Variants in CCDC102A observed in about 807,000 individuals in gnomAD.
The protein encoded by CCDC102A is coiled-coil domain-containing protein 102A.
A neutral mutation model predicts 55.5 loss-of-function variants in CCDC102A; 40 were observed. The observed-to-expected ratio is 0.72, with a 90% confidence interval of 0.56 to 0.94. CCDC102A has a LOEUF of 0.94. Ranked by LOEUF, CCDC102A falls within the 40% of genes least tolerant of loss-of-function variation. The pLI, the probability that CCDC102A is intolerant of heterozygous loss-of-function variation, is 0.00. For synonymous variants in CCDC102A, 323 were observed against 339.0 expected (o/e 0.95, Z 0.52); for missense variants, 779 against 768.6 (o/e 1.01, Z -0.16).
chr16:57,532,686 C>T (rs2032288826), intron 1 of CCDC102A, among the ~76,000 whole-genome samples: 1 of 141,830 alleles, frequency 7.1e-6, no homozygotes, highest in South Asian at 2.3e-4. Flanking sequence ...ATGCTCATCC[C>T]CAAGTGAAGC....
Position 57,529,155 on chromosome 16 carries a change from C to G in CCDC102A, c.23G>C (p.Arg8Pro). The change falls in exon 2 of 9, where the codon CGG (arginine) becomes CCG (proline). Residue 8 changes from arginine (R) to proline (P), a missense_variant. By Grantham distance (103) the Arg-to-Pro change is moderately radical. Transcript: ENST00000258214. The surrounding 1 kb of genome is among the most constrained non-coding windows in gnomAD (Gnocchi z 4.1). ...GGACAGCTGCGGGGACTCGGCCAGC[C>G]GGGGGCTGGGCCCGTGGCTCATGGT... MSHGPSP[R>P]LAESPQLSKG... 8.4e-7 allele frequency: 1 copy of G among 1,184,488 alleles called. No individual in the cohort carries two copies. The highest frequency in any genetic ancestry group is 1.0e-6 in the Non-Finnish European group (1 of 957,074). 73.4% of individuals were successfully genotyped at this position (1,184,488 alleles called of 1,614,324 possible).
At position 57,512,524 on chromosome 16, in the gene CCDC102A, G is replaced by GCGCA. The variant is rs2031881704; in HGVS notation, c.*216_*217insTGCG. The GCGCA allele has an allele frequency of 8.3e-6, 4 of 479,580 alleles. No homozygotes were observed. Among genetic ancestry groups the GCGCA allele is most frequent in the African/African-American group, 8.2e-5 (4 of 48,680 alleles). The allele number at this position is 479,580 out of a possible 1,614,324, so 29.7% of individuals were successfully genotyped here. ...AAGACTTCTGGGTGTGCGCGCGCGC[G>GCGCA]CGCGCGTGTGTGTATATATATATAT... On this transcript the variant is annotated 3_prime_UTR_variant, in exon 9 of 9. Transcript: ENST00000258214.
chr16:57,536,094 G>A (rs2032377226), intron 1 of CCDC102A, among the ~76,000 whole-genome samples: 1 of 151,766 alleles, frequency 6.6e-6, no homozygotes, highest in Non-Finnish European at 1.5e-5. Flanking sequence ...CAGTCGCCGC[G>A]GCTCTGGGCA....
chr16:57,535,764 T>C (rs1270919206), intron 1 of CCDC102A, among the ~76,000 whole-genome samples: 4 of 152,090 alleles, frequency 2.6e-5, no homozygotes, highest in African/African-American at 9.7e-5. Flanking sequence ...GGGCCTCAGT[T>C]TCCTTACCTA....
rs577937194 is a variant in CCDC102A, at chr16:57,521,267, T to G, written c.813-91A>C. The G allele has an allele frequency of 3.2e-5, 31 of 956,312 alleles. No individual in the cohort carries two copies. In the African/African-American group the frequency reaches 4.6e-4, roughly 14 times the overall value. The allele number at this position is 956,312 out of a possible 1,614,324, so 59.2% of individuals were successfully genotyped here. A position where few individuals can be genotyped will look rare whatever the true frequency, so the allele number is the denominator to read the frequency against. Reference sequence around the variant, plus strand: ...TGGCCCTGCTGTGTGCCCTCTGCACTTGTTGAGCCCAAGTCCAAAATCCTT... The same window carrying G: ...TGGCCCTGCTGTGTGCCCTCTGCACGTGTTGAGCCCAAGTCCAAAATCCTT... On this transcript the variant is annotated intron_variant, in intron 3 of 8. Transcript: ENST00000258214.
rs554407829 is a variant in CCDC102A, at chr16:57,536,193, T to G, written c.-148+307A>C. On this transcript the variant is annotated intron_variant, in intron 1 of 8. Coordinates refer to ENST00000258214, the MANE Select transcript of CCDC102A (RefSeq NM_033212.4). ...TGGGTCCCCCGGGAGAGTCCCAAATTCCGTCCCCGCCCGCCGCCCCCTCCC... is the reference window on the plus strand; with the variant it reads ...TGGGTCCCCCGGGAGAGTCCCAAATGCCGTCCCCGCCCGCCGCCCCCTCCC... Among the ~76,000 whole-genome samples, 1,402 of 151,986 alleles carry G rather than the reference T, an allele frequency of 9.2e-3. 55 individuals carry two copies. The highest frequency in any genetic ancestry group is 0.07 in the Admixed American group (1,071 of 15,290).
At chr16:57,525,362 A>G (rs2032120890) in intron 3 of CCDC102A, among the ~76,000 whole-genome samples, 1 of 152,148 alleles carries the variant, frequency 6.6e-6, no homozygotes, top group Non-Finnish European at 1.5e-5. Flanking sequence ...CGGCCTCCCA[A>G]AGTGCTGGGA....
chr16:57,519,407 G>A (rs1441523248), intron 4 of CCDC102A, among the ~76,000 whole-genome samples: 1 of 152,222 alleles, frequency 6.6e-6, no homozygotes, highest in Non-Finnish European at 1.5e-5. Context: ...GAGCTTGTGC[G>A]TCTGTCCACC....
chr16:57,524,553 G>A (rs2032102062), intron 3 of CCDC102A, among the ~76,000 whole-genome samples: 1 of 150,516 alleles, frequency 6.6e-6, no homozygotes, highest in African/African-American at 2.5e-5. Flanking sequence ...CTCCAGCCTG[G>A]CTGACAGAGT....
At chr16:57,535,974 C>T (rs1472194176) in intron 1 of CCDC102A, among the ~76,000 whole-genome samples, 2 of 152,322 alleles carry the variant, frequency 1.3e-5, no homozygotes, top group Non-Finnish European at 1.5e-5. Context: ...CCCTCCCAAG[C>T]CGCTGGCCCT....
chr16:57,536,792 A>G (rs9939347), upstream of CCDC102A, among the ~76,000 whole-genome samples: 54,344 of 151,836 alleles, frequency 0.36, 9,925 homozygotes, highest in East Asian at 0.46. Context: ...GCCGTACCCC[A>G]ACGGAGGCCC....
chr16:57,512,874 T>TG lies in CCDC102A; in HGVS notation c.1524-5dup. ...GTTCTGCTGCTGCCTGCGGAGCCTG[T>TG]GGGGTGGGGGTGACAGGAGGTTAGA... On this transcript the variant is annotated splice_polypyrimidine_tract_variant and splice_region_variant and intron_variant, in intron 8 of 8. Transcript: ENST00000258214. The TG allele has an allele frequency of 6.2e-7, 1 of 1,612,650 alleles. No homozygotes were observed. Among genetic ancestry groups the TG allele is most frequent in the Non-Finnish European group, 8.5e-7 (1 of 1,179,572 alleles).
chr16:57,535,997 G>T (rs2146728384), intron 1 of CCDC102A, among the ~76,000 whole-genome samples: 1 of 152,248 alleles, frequency 6.6e-6, no homozygotes, highest in South Asian at 2.1e-4. Flanking sequence ...GAACCGCCCC[G>T]CTCCACCTAG....
At position 57,518,270 on chromosome 16, in the gene CCDC102A, C is replaced by A. The variant is rs781776307; in HGVS notation, c.1046G>T (p.Arg349Leu). Residue 349 changes from arginine to leucine, a missense_variant, in exon 6 of 9, where the codon CGG becomes CTG. Transcript: ENST00000258214. ...CTCCGCAGCGTTTTCGGCCTGCAGC[C>A]GCTCCATCTGCAGCAGGGCAGGGCA... ...KMAELRGEMERLQAENAAEWG... is the reference protein window; with the variant it reads ...KMAELRGEMELLQAENAAEWG... 104 of 1,608,502 alleles carry A rather than the reference C, an allele frequency of 6.5e-5. No individual in the cohort carries two copies. Among genetic ancestry groups the A allele is most frequent in the Non-Finnish European group, 8.8e-5 (104 of 1,179,874 alleles).
intron 1 of CCDC102A, among the ~76,000 whole-genome samples, chr16:57,532,553 T>G (rs2032285996): frequency 6.6e-6 from 1 of 152,148 alleles, no homozygotes; most frequent in South Asian, 2.1e-4. Flanking sequence ...TATGCTCAGA[T>G]GGACGGACAG....
At position 57,528,966 on chromosome 16, in the gene CCDC102A, C is replaced by T. The variant is rs750946071; in HGVS notation, c.212G>A (p.Ser71Asn). The T allele has an allele frequency of 1.7e-5, 23 of 1,329,910 alleles. No homozygotes were observed. Among genetic ancestry groups the T allele is most frequent in the Admixed American group, 3.0e-5 (1 of 32,908 alleles). 82.4% of individuals were successfully genotyped at this position (1,329,910 alleles called of 1,614,324 possible). ...CTCCCGCAGCCGCAGCTCCTCGCGG[C>T]TCTCCCAGTCGCCGTCGGCCAGCAG... is the stretch of plus-strand genomic sequence containing the variant. The part of the protein sequence containing the change: ...PALLADGDWE[S>N]REELRLRELE... The change falls in exon 2 of 9, where the codon AGC becomes AAC. Residue 71 changes from serine to asparagine, a missense_variant. Coordinates refer to ENST00000258214, the MANE Select transcript of CCDC102A (RefSeq NM_033212.4).
rs758948499 is a variant in CCDC102A, at chr16:57,514,900, G to A, written c.1523+441C>T. On this transcript the variant is annotated intron_variant, in intron 8 of 8. Transcript: ENST00000258214. ...AGGGAGGCAGAGTGTGCTGGGTGGG[G>A]CCTGTTGGCAGTGGACGGGATCCAG... 4.2e-4 allele frequency among the ~76,000 whole-genome samples: 64 copies of A among 152,140 alleles called. 1 individual carries two copies. Among genetic ancestry groups the A allele is most frequent in the Admixed American group, 2.6e-3 (39 of 15,280 alleles).
intron 2 of CCDC102A, among the ~76,000 whole-genome samples, chr16:57,526,805 C>T (rs1162701868): frequency 2.6e-5 from 4 of 152,180 alleles, no homozygotes; most frequent in Admixed American, 6.5e-5. Context: ...TGGACTGGAG[C>T]GGTGGCCCTG....
intron 4 of CCDC102A, among the ~76,000 whole-genome samples, chr16:57,519,396 G>A (rs571112383): frequency 8.5e-5 from 13 of 152,334 alleles, no homozygotes; most frequent in Admixed American, 3.3e-4. Context: ...GGGAGGACGG[G>A]GAGCTTGTGC....
Sources: gnomAD v4.1 joint callset for allele counts (sites outside exome capture counted in the v4.1 genomes callset) on GRCh38, gnomAD v4.1.1 for gene constraint, Gnocchi (gnomAD v3.1) non-coding constraint, MANE v1.5 for transcripts, NCBI Gene and HGNC (gene_info 2026-07-23, HGNC 2026-07-21) for gene names.